FAM180A: variants seen among roughly 807,000 people sequenced by gnomAD.
FAM180A encodes the protein protein FAM180A.
A neutral mutation model predicts 15.3 loss-of-function variants in FAM180A; 14 were observed. The observed-to-expected ratio is 0.92, with a 90% CI of 0.61 to 1.43. FAM180A has a LOEUF of 1.43. Ranked by LOEUF, FAM180A falls within the 40% of genes most tolerant of loss-of-function variation. The pLI, the probability that FAM180A is intolerant of heterozygous loss-of-function variation, is 0.00. For missense variants in FAM180A, 200 were observed against 220.8 expected (o/e 0.91, Z 0.60); for synonymous variants, 90 against 96.8 (o/e 0.93, Z 0.41).
chr7:135,748,652 C>A lies in FAM180A; in HGVS notation c.-72G>T, dbSNP rs1797064850. 33 of 1,168,548 alleles carry A rather than the reference C, an allele frequency of 2.8e-5. No homozygotes were observed. The highest frequency in any genetic ancestry group is 4.1e-5 in the Non-Finnish European group (32 of 776,676). 72.4% of individuals were successfully genotyped at this position (1,168,548 alleles called of 1,614,324 possible). On this transcript the variant is annotated 5_prime_UTR_variant, in exon 1 of 4. Coordinates refer to ENST00000338588, the MANE Select transcript of FAM180A (RefSeq NM_205855.4). ...CCCAGTAGCTGCAGGTATGCCCGTG[C>A]CGTTCTTCCCAGTGAGATGATGGAG... is the stretch of plus-strand genomic sequence containing the variant.
In FAM180A at chr7:135,744,062, G is replaced by A. The variant is rs546317558; in HGVS notation, c.76+4443C>T. On this transcript the variant is annotated intron_variant, in intron 1 of 3. Coordinates refer to ENST00000338588, the MANE Select transcript of FAM180A (RefSeq NM_205855.4). ...CGAAGCTAGTTTTTAATTGATCTCAGCGAGTGCTGTCCCCTACCTCCCCCA... is the reference window on the plus strand; with the variant it reads ...CGAAGCTAGTTTTTAATTGATCTCAACGAGTGCTGTCCCCTACCTCCCCCA... Among the ~76,000 whole-genome samples the A allele has an allele frequency of 3.5e-4, 53 of 152,232 alleles. No homozygotes were observed. In the South Asian group the frequency reaches 0.01, roughly 30 times the overall value.
chr7:135,736,233 G>A (rs1796869244), intron 2 of FAM180A, among the ~76,000 whole-genome samples: 1 of 152,182 alleles, frequency 6.6e-6, no homozygotes, highest in South Asian at 2.1e-4. Context: ...GTGTTGGCCA[G>A]GCTGGTCTTG....
intron 2 of FAM180A, among the ~76,000 whole-genome samples, chr7:135,735,754 G>A (rs1796860773): frequency 6.6e-6 from 1 of 152,158 alleles, no homozygotes; most frequent in Non-Finnish European, 1.5e-5. Flanking sequence ...CCAGGCTGGA[G>A]TACGGTGGTG....
intron 1 of FAM180A, among the ~76,000 whole-genome samples, chr7:135,745,625 G>C (rs750132765): frequency 1.3e-5 from 2 of 152,130 alleles, no homozygotes; most frequent in African/African-American, 4.8e-5. Flanking sequence ...CTGCCTCCCA[G>C]GGTGGAATCC....
intron 1 of FAM180A, among the ~76,000 whole-genome samples, chr7:135,747,514 C>T (rs1797047690): frequency 6.6e-6 from 1 of 152,088 alleles, no homozygotes; most frequent in South Asian, 2.1e-4. Context: ...TAGCTTTTGC[C>T]TCCCTCCCAT....
intron 1 of FAM180A, among the ~76,000 whole-genome samples, chr7:135,743,174 G>A (rs1283522671): frequency 1.3e-5 from 2 of 150,556 alleles, no homozygotes; most frequent in African/African-American, 4.9e-5. Context: ...ACTACTTTTA[G>A]GATCACTCTC....
At chr7:135,745,016 T>C (rs1050582641) in intron 1 of FAM180A, among the ~76,000 whole-genome samples, 5 of 152,142 alleles carry the variant, frequency 3.3e-5, no homozygotes, top group Non-Finnish European at 7.4e-5. Flanking sequence ...CACCTTGATC[T>C]CCTTGCCTTA....
Position 135,733,807 on chromosome 7 carries a change from C to T in FAM180A, c.*168G>A, listed in dbSNP as rs1390312140. On this transcript the variant is annotated 3_prime_UTR_variant, in exon 3 of 4. Coordinates refer to ENST00000338588, the MANE Select transcript of FAM180A (RefSeq NM_205855.4). ...TGATGGCATGAATCAGATGTGTCTT[C>T]CAGGAAACTACAAGGAGAAAAGAGC... 1.4e-6 allele frequency: 2 copies of T among 1,398,250 alleles called. No homozygotes were observed. The highest frequency in any genetic ancestry group is 3.2e-5 in the Admixed American group (1 of 31,590). The allele number at this position is 1,398,250 out of a possible 1,614,324, so 86.6% of individuals were successfully genotyped here. A position where few individuals can be genotyped will look rare whatever the true frequency, so the allele number is the denominator to read the frequency against.
chr7:135,730,571 A>T (rs932965633), intron 3 of FAM180A, among the ~76,000 whole-genome samples: 4 of 152,198 alleles, frequency 2.6e-5, no homozygotes, highest in Non-Finnish European at 5.9e-5. Context: ...AAGTTTTTAG[A>T]TCCTAAAATT....
At chr7:135,740,749 C>T (rs1796933793) in intron 1 of FAM180A, among the ~76,000 whole-genome samples, 1 of 152,076 alleles carries the variant, frequency 6.6e-6, no homozygotes, top group African/African-American at 2.4e-5. Flanking sequence ...GACTTTGTCT[C>T]TGTTTTCTCC....
At chr7:135,731,047 GA>G (rs1291230221) in intron 3 of FAM180A, among the ~76,000 whole-genome samples, 1 of 151,890 alleles carries the variant, frequency 6.6e-6, no homozygotes, top group East Asian at 1.9e-4. Flanking sequence ...ATGTTCCTGG[GA>G]ACCATCTTCC....
rs80321660 is a variant in FAM180A, at chr7:135,739,879, C to G, written c.77-2680G>C. ...TACATACAGTTTTATATTCTGTACC[C>G]GTGGCAGAGCCTGGCAGGCTTCCGG... On this transcript the variant is annotated intron_variant, in intron 1 of 3. Coordinates refer to ENST00000338588, the MANE Select transcript of FAM180A (RefSeq NM_205855.4). Among the ~76,000 whole-genome samples the G allele has an allele frequency of 2.0e-5, 3 of 152,060 alleles. No homozygotes were observed. The East Asian group carries it at 5.8e-4, about 29-fold the overall frequency.
chr7:135,730,063 G>A lies in FAM180A; in HGVS notation c.*548C>T, dbSNP rs975123292. ...ATGGATTAGGAAAGTAAGGGGTGTT[G>A]TAAAAAGTCATTTAACAAGCATTTG... On this transcript the variant is annotated 3_prime_UTR_variant, in exon 4 of 4. Coordinates refer to ENST00000338588, the MANE Select transcript of FAM180A (RefSeq NM_205855.4). 158 of 985,360 alleles carry A rather than the reference G, an allele frequency of 1.6e-4. 3 individuals carry two copies. In the South Asian group the frequency reaches 6.7e-3, roughly 42 times the overall value. The allele number at this position is 985,360 out of a possible 1,614,324, so 61.0% of individuals were successfully genotyped here.
chr7:135,748,610 C>T lies in FAM180A; in HGVS notation c.-30G>A, dbSNP rs762864374. On this transcript the variant is annotated 5_prime_UTR_variant, in exon 1 of 4. Coordinates refer to ENST00000338588, the MANE Select transcript of FAM180A (RefSeq NM_205855.4). ...TCCTTCAAAAGGTGAAAAATCGACC[C>T]TCAAGCCCAGTGGAACCCCAGTAGC... is the stretch of plus-strand genomic sequence containing the variant. 1.3e-6 allele frequency: 2 copies of T among 1,593,736 alleles called. No individual in the cohort carries two copies. The highest frequency in any genetic ancestry group is 1.7e-6 in the Non-Finnish European group (2 of 1,161,656).
intron 1 of FAM180A, among the ~76,000 whole-genome samples, chr7:135,740,464 G>T (rs1796929850): frequency 6.6e-6 from 1 of 152,108 alleles, no homozygotes. Flanking sequence ...ATTCATCCGG[G>T]CACTTTTAGA....
chr7:135,740,443 C>T (rs75170699), intron 1 of FAM180A, among the ~76,000 whole-genome samples: 6,278 of 152,212 alleles, frequency 0.041, 198 homozygotes, highest in Middle Eastern at 0.088. Context: ...CCAGCCTTGA[C>T]TAGACATTCG....
rs1032529847 is a variant in FAM180A, at chr7:135,734,263, C to T, written c.234G>A (p.Glu78=). The part of the protein sequence containing the change: ...SPDLQISIKD[E]ELASLRKASD... ...AGGCCTTCCGCAAGGAGGCCAGCTC[C>T]TCGTCCTTGATGGAGATCTGCAGGT... The change falls in exon 3 of 4, where the codon GAG becomes GAA. Residue 78 remains glutamate, a synonymous_variant. Transcript: ENST00000338588. 6.2e-7 allele frequency: 1 copy of T among 1,613,810 alleles called. No homozygotes were observed. The highest frequency in any genetic ancestry group is 8.5e-7 in the Non-Finnish European group (1 of 1,179,840).
chr7:135,734,901 G>GT (rs967305961), intron 2 of FAM180A, among the ~76,000 whole-genome samples: 2 of 151,998 alleles, frequency 1.3e-5, no homozygotes, highest in African/African-American at 4.8e-5. Context: ...TCTGTTTTTT[G>GT]TTTTTTGTTT....
At chr7:135,742,180 C>A (rs1323147895) in intron 1 of FAM180A, among the ~76,000 whole-genome samples, 3 of 152,192 alleles carry the variant, frequency 2.0e-5, no homozygotes, top group African/African-American at 7.2e-5. Flanking sequence ...CTGTGTGAGG[C>A]AAGATCTAGA....
Sources: gnomAD v4.1 joint callset for allele counts (sites outside exome capture counted in the v4.1 genomes callset) on GRCh38, gnomAD v4.1.1 for gene constraint, MANE v1.5 for transcripts, NCBI Gene and HGNC (gene_info 2026-07-23, HGNC 2026-07-21) for gene names.